ANGPT1: variants seen among roughly 807,000 people sequenced by gnomAD.
The protein encoded by ANGPT1 is angiopoietin-1.
ANGPT1 carries 17 observed loss-of-function variants against 62.2 expected under a neutral mutation model. The ratio of observed to expected loss-of-function variants is 0.27; its 90% confidence interval spans 0.19 to 0.41. The LOEUF (loss-of-function observed/expected upper bound fraction) is 0.41, where lower values mean the gene tolerates loss of function less well. ANGPT1 is among the 10% of genes least tolerant of loss of function. The pLI is 1.00. For missense variants in ANGPT1, 478 were observed against 594.9 expected (o/e 0.80, Z 2.04); for synonymous variants, 199 against 198.9 (o/e 1.00, Z 0.00).
intron 8 of ANGPT1, among the ~76,000 whole-genome samples, chr8:107,261,700 A>C (rs1892767): frequency 6.7e-6 from 1 of 150,034 alleles, no homozygotes; most frequent in African/African-American, 2.5e-5. Context: ...GCAAGACTCC[A>C]TCTAAAAAAA....
intron 1 of ANGPT1, among the ~76,000 whole-genome samples, chr8:107,419,568 C>T (rs747416278): frequency 2.6e-5 from 4 of 152,094 alleles, no homozygotes; most frequent in Non-Finnish European, 4.4e-5. Context: ...CTGAAAGTCC[C>T]CATGTCACTT....
chr8:107,401,734 G>A (rs1341514355), intron 1 of ANGPT1, among the ~76,000 whole-genome samples: 1 of 152,118 alleles, frequency 6.6e-6, no homozygotes, highest in African/African-American at 2.4e-5. Flanking sequence ...AGATTTGAAT[G>A]TACACATAAC....
intron 2 of ANGPT1, 39 bp downstream of exon 2, chr8:107,346,903 T>G (rs754746234): frequency 2.6e-6 from 4 of 1,541,026 alleles, no homozygotes; most frequent in African/African-American, 1.4e-5. Context: ...AAAAAAATTT[T>G]TCCTTGTTGA....
intron 1 of ANGPT1, among the ~76,000 whole-genome samples, chr8:107,358,104 C>T (rs539703704): frequency 2.6e-4 from 39 of 152,104 alleles, no homozygotes; most frequent in Non-Finnish European, 3.7e-4. Flanking sequence ...TATGTGTATG[C>T]GTGTGTTTTC....
chr8:107,355,680 T>C (rs1816029039), intron 1 of ANGPT1, among the ~76,000 whole-genome samples: 1 of 152,200 alleles, frequency 6.6e-6, no homozygotes, highest in African/African-American at 2.4e-5. Context: ...TTCTCCCTTT[T>C]CTTGGGCTAG....
chr8:107,257,973 T>C (rs1344818578), intron 8 of ANGPT1, among the ~76,000 whole-genome samples: 1 of 150,930 alleles, frequency 6.6e-6, no homozygotes, highest in East Asian at 1.9e-4. Flanking sequence ...CTTTCCTTTC[T>C]TCTTTCTTTC....
At chr8:107,451,278 T>G in intron 1 of ANGPT1, among the ~76,000 whole-genome samples, 1 of 150,452 alleles carries the variant, frequency 6.6e-6, no homozygotes, top group Admixed American at 6.7e-5. Flanking sequence ...AAACTGCTCT[T>G]CCACCACTTA....
chr8:107,357,549 G>T (rs917990036), intron 1 of ANGPT1, among the ~76,000 whole-genome samples: 1 of 151,942 alleles, frequency 6.6e-6, no homozygotes, highest in African/African-American at 2.4e-5. Context: ...GGATTGATGG[G>T]GTAAAAGGCT....
In ANGPT1 at chr8:107,257,876, G is replaced by GTTTTTTTTTTTTTTTTTTT. The variant is rs1371396961; in HGVS notation, c.1337-5862_1337-5861insAAAAAAAAAAAAAAAAAAA. Among the ~76,000 whole-genome samples, 45 of 85,260 alleles carry GTTTTTTTTTTTTTTTTTTT rather than the reference G, an allele frequency of 5.3e-4. 3 individuals are homozygous for GTTTTTTTTTTTTTTTTTTT. Among genetic ancestry groups the GTTTTTTTTTTTTTTTTTTT allele is most frequent in the African/African-American group, 8.4e-4 (18 of 21,520 alleles). 55.9% of individuals were successfully genotyped at this position (85,260 alleles called of 152,430 possible). A position where few individuals can be genotyped will look rare whatever the true frequency, so the allele number is the denominator to read the frequency against. The stretch of plus-strand genomic sequence containing the variant: ...CTCTTCAGGCCAAGGACTTGTTTTT[G>GTTTTTTTTTTTTTTTTTTT]TTTCTTTTTTGTTTGTTTGTTTGTT... On this transcript the variant is annotated intron_variant, in intron 8 of 8. Transcript: ENST00000517746.
intron 7 of ANGPT1, among the ~76,000 whole-genome samples, chr8:107,283,088 G>T: frequency 6.6e-6 from 1 of 152,080 alleles, no homozygotes; most frequent in East Asian, 1.9e-4. Context: ...TTCTTCAGGA[G>T]CCTAGGAAAA....
At chr8:107,423,841 T>C (rs1810964080) in intron 1 of ANGPT1, among the ~76,000 whole-genome samples, 2 of 130,460 alleles carry the variant, frequency 1.5e-5, no homozygotes, top group South Asian at 2.7e-4. Context: ...TTTTTTTTTT[T>C]TTTTTTTTTT....
At chr8:107,435,645 A>C (rs1440505166) in intron 1 of ANGPT1, among the ~76,000 whole-genome samples, 1 of 152,232 alleles carries the variant, frequency 6.6e-6, no homozygotes, top group East Asian at 1.9e-4. Context: ...GGAGGCAGGT[A>C]GTAAGGAAGT....
At chr8:107,466,126 A>T (rs749853935) in intron 1 of ANGPT1, among the ~76,000 whole-genome samples, 3 of 152,186 alleles carry the variant, frequency 2.0e-5, no homozygotes. Flanking sequence ...AAGATGAAAT[A>T]AAAGACTTAG....
chr8:107,427,584 C>T (rs1237191123), intron 1 of ANGPT1, among the ~76,000 whole-genome samples: 1 of 152,174 alleles, frequency 6.6e-6, no homozygotes, highest in East Asian at 1.9e-4. Context: ...TTCTTGCTCC[C>T]CTTGTCCATA....
At chr8:107,283,742 A>G (rs1814071659) in intron 7 of ANGPT1, among the ~76,000 whole-genome samples, 1 of 152,178 alleles carries the variant, frequency 6.6e-6, no homozygotes, top group South Asian at 2.1e-4. Flanking sequence ...AAATCATTAC[A>G]ACTCTAATTT....
At chr8:107,296,672 T>C (rs1256026694) in intron 5 of ANGPT1, among the ~76,000 whole-genome samples, 1 of 152,040 alleles carries the variant, frequency 6.6e-6, no homozygotes, top group Non-Finnish European at 1.5e-5. Flanking sequence ...CAAGGAAACA[T>C]TTTTCTAGAA....
At chr8:107,485,300 A>G (rs916957695) in intron 1 of ANGPT1, among the ~76,000 whole-genome samples, 1 of 152,190 alleles carries the variant, frequency 6.6e-6, no homozygotes, top group Non-Finnish European at 1.5e-5. Context: ...CTGTTTTAAT[A>G]GGTTTTGGTT....
rs138577104 is a variant in ANGPT1 at position 107,251,395 on chromosome 8, T to C, written c.*460A>G. On this transcript the variant is annotated 3_prime_UTR_variant, in exon 9 of 9. Transcript: ENST00000517746. ...GCAACAGTATAATTTGTTAGTAGGT[T>C]TGCATAGATATAACACCTTTTCACT... is the stretch of plus-strand genomic sequence containing the variant. The C allele has an allele frequency of 1.2e-3, 192 of 156,050 alleles. 2 individuals are homozygous for C. The East Asian group carries it at 0.026, about 21-fold the overall frequency. The allele number at this position is 156,050 out of a possible 1,614,324, so 9.7% of individuals were successfully genotyped here.
chr8:107,476,405 A>G (rs1484239162), intron 1 of ANGPT1, among the ~76,000 whole-genome samples: 1 of 152,026 alleles, frequency 6.6e-6, no homozygotes, highest in African/African-American at 2.4e-5. Context: ...TGGGCACAGG[A>G]AGGGGAACAT....
Sources: allele counts gnomAD v4.1 joint callset (sites outside exome capture counted in the v4.1 genomes callset), GRCh38; gene constraint gnomAD v4.1.1; transcripts MANE v1.5; gene names NCBI Gene and HGNC (gene_info 2026-07-23, HGNC 2026-07-21).